C7: variants seen among roughly 807,000 people sequenced by gnomAD.
C7 encodes the protein complement component C7.
A neutral mutation model predicts 104.8 loss-of-function variants in C7; 83 were observed. The ratio of observed to expected loss-of-function variants is 0.79; its 90% CI spans 0.66 to 0.95. C7 has a LOEUF of 0.95. Ranked by LOEUF, C7 falls within the 40% of genes least tolerant of loss-of-function variation. The probability of loss-of-function intolerance (pLI) is 0.00; values close to 1 mark genes in which losing one functional copy is unlikely to be tolerated. For synonymous variants in C7, 415 were observed against 360.6 expected (o/e 1.15, Z -1.71); for missense variants, 1,070 against 1,011.2 (o/e 1.06, Z -0.79).
intron 2 of C7, among the ~76,000 whole-genome samples, chr5:40,929,551 A>G (rs916336751): frequency 3.3e-5 from 5 of 152,180 alleles, no homozygotes; most frequent in African/African-American, 1.2e-4. Context: ...CTCTTAAGAC[A>G]TGCAAGAATC....
intron 1 of C7, chr5:40,911,000 C>G (rs1739196502): frequency 6.6e-6 from 1 of 152,194 alleles, no homozygotes; most frequent in East Asian, 1.9e-4. Flanking sequence ...AAATATACTT[C>G]TATCCTTTAA....
intron 1 of C7, among the ~76,000 whole-genome samples, chr5:40,916,563 G>T (rs324066): frequency 1.3e-5 from 2 of 151,942 alleles, no homozygotes; most frequent in African/African-American, 4.8e-5. Flanking sequence ...AAAAGATGAT[G>T]GGACCTTAAG....
chr5:40,928,239 A>G (rs1283447494), intron 1 of C7, among the ~76,000 whole-genome samples: 1 of 152,204 alleles, frequency 6.6e-6, no homozygotes, highest in African/African-American at 2.4e-5. Flanking sequence ...TGGTGGTTAC[A>G]GAGACTGGGG....
At chr5:40,939,893 A>G (rs1248612916) in intron 6 of C7, among the ~76,000 whole-genome samples, 1 of 152,218 alleles carries the variant, frequency 6.6e-6, no homozygotes, top group East Asian at 1.9e-4. Context: ...TAGATTGACA[A>G]CTGAAATGCC....
chr5:40,981,010 G>T (rs574634028), intron 17 of C7, among the ~76,000 whole-genome samples: 1 of 152,268 alleles, frequency 6.6e-6, no homozygotes, highest in Admixed American at 6.5e-5. Flanking sequence ...AGCAAGTTAA[G>T]TTCTCTTTTT....
chr5:40,923,872 A>G (rs1039944345), intron 1 of C7, among the ~76,000 whole-genome samples: 1 of 151,926 alleles, frequency 6.6e-6, no homozygotes, highest in African/African-American at 2.4e-5. Flanking sequence ...TGAGAAATCC[A>G]CCCCTTCCAA....
At chr5:40,933,235 A>C (rs984565811) in intron 3 of C7, among the ~76,000 whole-genome samples, 1 of 152,156 alleles carries the variant, frequency 6.6e-6, no homozygotes, top group African/African-American at 2.4e-5. Flanking sequence ...CCTCATGCCA[A>C]GGAATTCCCA....
chr5:40,953,809 T>C (rs1740228581), intron 9 of C7, among the ~76,000 whole-genome samples: 1 of 43,596 alleles, frequency 2.3e-5, no homozygotes, highest in African/African-American at 4.8e-5. Flanking sequence ...CCTGATTTGA[T>C]CATTACACAT....
chr5:40,925,856 T>C (rs324067), intron 1 of C7, among the ~76,000 whole-genome samples: 73,592 of 151,982 alleles, frequency 0.48, 19,068 homozygotes, highest in African/African-American at 0.69. Context: ...ACTAATCATT[T>C]TCAAACCCTT....
At chr5:40,975,683 T>C (rs1740804182) in intron 15 of C7, among the ~76,000 whole-genome samples, 1 of 152,124 alleles carries the variant, frequency 6.6e-6, no homozygotes, top group African/African-American at 2.4e-5. Flanking sequence ...GTTTTAATAA[T>C]GAATCTTGTT....
At chr5:40,953,836 A>C (rs1198650016) in intron 9 of C7, among the ~76,000 whole-genome samples, 1 of 152,220 alleles carries the variant, frequency 6.6e-6, no homozygotes, top group Non-Finnish European at 1.5e-5. Flanking sequence ...CATGTATCAA[A>C]ATATCACATG....
At chr5:40,935,435 GA>G (rs769471930) in intron 4 of C7, among the ~76,000 whole-genome samples, 30 of 152,120 alleles carry the variant, frequency 2.0e-4, no homozygotes, top group Non-Finnish European at 8.8e-5. Context: ...GTCCTATAAG[GA>G]CAGCTGTGCA....
intron 10 of C7, 114 bp downstream of exon 10, chr5:40,955,667 C>T (rs145585051): frequency 2.9e-5 from 24 of 827,580 alleles, no homozygotes; most frequent in East Asian, 1.8e-4. Context: ...TAGCATTTTC[C>T]GTATCCCAAT....
chr5:40,937,624 G>A lies in C7; in HGVS notation c.501G>A (p.Lys167=). 6.2e-7 allele frequency: 1 copy of A among 1,612,292 alleles called. No homozygotes were observed. The highest frequency in any genetic ancestry group is 1.3e-5 in the African/African-American group (1 of 74,982). Reference sequence around the variant, plus strand: ...AAAGTTTTGGTGGTCAATGTAGAAAGGTGTTTAGTGGGGATGGAAAAGATT... The same window carrying A: ...AAAGTTTTGGTGGTCAATGTAGAAAAGTGTTTAGTGGGGATGGAAAAGATT... The part of the protein sequence containing the change: ...NTKSFGGQCR[K]VFSGDGKDFY... The change falls in exon 6 of 18, where the codon AAG becomes AAA. Residue 167 remains lysine, a synonymous_variant. Transcript: ENST00000313164.
In C7 at chr5:40,981,779, G is replaced by T; in HGVS notation, c.*206G>T. On this transcript the variant is annotated 3_prime_UTR_variant, in exon 18 of 18. Coordinates refer to ENST00000313164, the MANE Select transcript of C7 (RefSeq NM_000587.4). The stretch of plus-strand genomic sequence containing the variant: ...CTCTTTTGCCTCCTTTTTAATGTCA[G>T]TAAGGATATGAGCCTTTGCACAGGC... The T allele has an allele frequency of 2.1e-6, 1 of 487,798 alleles. No individual in the cohort carries two copies. The highest frequency in any genetic ancestry group is 4.0e-5 in the South Asian group (1 of 24,910). 30.2% of individuals were successfully genotyped at this position (487,798 alleles called of 1,614,324 possible).
At chr5:40,958,298 C>T in intron 11 of C7, 37 bp downstream of exon 11, 1 of 1,301,898 alleles carries the variant, frequency 7.7e-7, no homozygotes, top group Non-Finnish European at 1.1e-6. Context: ...ACCCTGTACA[C>T]ATTGAAAGGG....
chr5:40,937,638 A>T lies in C7; in HGVS notation c.515A>T (p.Asp172Val). Residue 172 changes from aspartate (D) to valine (V), a missense_variant, in exon 6 of 18, where the codon GAT (aspartate) becomes GTT (valine). Transcript: ENST00000313164. ...GGQCRKVFSG[D>V]GKDFYRLSGN... ...CAATGTAGAAAGGTGTTTAGTGGGG[A>T]TGGAAAAGATTTCTACAGGCTGAGT... 1.2e-6 allele frequency: 2 copies of T among 1,610,780 alleles called. No homozygotes were observed. The highest frequency in any genetic ancestry group is 1.7e-6 in the Non-Finnish European group (2 of 1,178,146).
In C7 at chr5:40,983,092, C is replaced by G. The variant is rs1312291169; in HGVS notation, c.*1519C>G. Among the ~76,000 whole-genome samples the G allele has an allele frequency of 6.6e-6, 1 of 152,118 alleles. No individual in the cohort carries two copies. The highest frequency in any genetic ancestry group is 1.5e-5 in the Non-Finnish European group (1 of 68,024). ...ATGCAGATATAATATGTTGAAGTTA[C>G]AAGGAGGCAGGTTTCAATTGGTTAA... On this transcript the variant is annotated 3_prime_UTR_variant, in exon 18 of 18. Coordinates refer to ENST00000313164, the MANE Select transcript of C7 (RefSeq NM_000587.4).
Position 40,949,991 on chromosome 5 carries a change from A to G in C7, c.1070A>G (p.Glu357Gly). ...KFSSHGCKEL[E>G]NALKAASGTQ... is the part of the protein sequence containing the mutation. The stretch of plus-strand genomic sequence containing the variant: ...TCAAGTCATGGATGCAAGGAACTGG[A>G]AAACGCTTTAAAAGCTGCTTCAGGT... Residue 357 changes from glutamate (E) to glycine (G), a missense_variant, in exon 9 of 18, where the codon GAA (glutamate) becomes GGA (glycine). Physicochemically the swap from Glu to Gly is moderately conservative, Grantham distance 98 (BLOSUM62 -2). Transcript: ENST00000313164. The G allele has an allele frequency of 1.3e-6, 2 of 1,592,434 alleles. No homozygotes were observed. The highest frequency in any genetic ancestry group is 1.7e-6 in the Non-Finnish European group (2 of 1,167,982).
Sources: gnomAD v4.1 joint callset for allele counts (sites outside exome capture counted in the v4.1 genomes callset) on GRCh38, gnomAD v4.1.1 for gene constraint, MANE v1.5 for transcripts, NCBI Gene and HGNC (gene_info 2026-07-23, HGNC 2026-07-21) for gene names.